Variants in JARID2 observed in about 807,000 individuals in gnomAD.
JARID2 encodes the protein protein Jumonji.
A neutral mutation model predicts 125.6 loss-of-function variants in JARID2; 21 were observed. That is an observed-to-expected ratio of 0.17 (90% confidence interval 0.12 to 0.24). The LOEUF (loss-of-function observed/expected upper bound fraction) is 0.24, where lower values mean the gene tolerates loss of function less well. Ranked by LOEUF, JARID2 falls within the 10% of genes least tolerant of loss-of-function variation. The pLI, the probability that JARID2 is intolerant of heterozygous loss-of-function variation, is 1.00. For synonymous variants in JARID2, 736 were observed against 661.6 expected (o/e 1.11, Z -1.73); for missense variants, 1,303 against 1,639.6 (o/e 0.79, Z 3.55).
At chr6:15,508,229 C>T in intron 11 of JARID2, 111 bp from the exon 12 acceptor site, 1 of 661,422 alleles carries the variant, frequency 1.5e-6, no homozygotes, top group Non-Finnish European at 2.8e-6. Context: ...GCTTTGAGTC[C>T]CATTTCTTTT....
intron 1 of JARID2, among the ~76,000 whole-genome samples, chr6:15,357,909 A>G (rs1197856279): frequency 6.6e-6 from 1 of 152,158 alleles, no homozygotes; most frequent in Non-Finnish European, 1.5e-5. Context: ...CTGACAAGCA[A>G]TTCCACCGTC....
chr6:15,269,844 A>G (rs1371843489), intron 1 of JARID2, among the ~76,000 whole-genome samples: 3 of 152,208 alleles, frequency 2.0e-5, no homozygotes. Flanking sequence ...CAGGAAGGAT[A>G]CTTAGAATTT....
chr6:15,264,591 T>G (rs1208735716), intron 1 of JARID2, among the ~76,000 whole-genome samples: 1 of 150,338 alleles, frequency 6.7e-6, no homozygotes, highest in African/African-American at 2.5e-5. Flanking sequence ...GACACCCACC[T>G]CAGTTTAGAA....
chr6:15,419,830 G>A (rs1032924838), intron 3 of JARID2, among the ~76,000 whole-genome samples: 1 of 152,160 alleles, frequency 6.6e-6, no homozygotes, highest in Non-Finnish European at 1.5e-5. Context: ...AATTTGATAC[G>A]ATGTGCCTTG....
chr6:15,292,068 A>G (rs1300600701), intron 1 of JARID2, among the ~76,000 whole-genome samples: 1 of 152,004 alleles, frequency 6.6e-6, no homozygotes, highest in East Asian at 1.9e-4. Context: ...CCAAGCTGGA[A>G]TGCAGTGGCG....
chr6:15,276,421 A>G (rs1052333955), intron 1 of JARID2, among the ~76,000 whole-genome samples: 1 of 152,214 alleles, frequency 6.6e-6, no homozygotes, highest in African/African-American at 2.4e-5. Flanking sequence ...TACATATATA[A>G]CTGTCTCATA....
At chr6:15,410,159 CTG>C in intron 2 of JARID2, 63 bp from the exon 3 acceptor site, 3 of 1,461,528 alleles carry the variant, frequency 2.1e-6, no homozygotes, top group Non-Finnish European at 1.9e-6. Flanking sequence ...GTAGGGTTAA[CTG>C]TGGTAAAGTG....
chr6:15,425,286 T>C (rs1172925012), intron 3 of JARID2, among the ~76,000 whole-genome samples: 3 of 152,174 alleles, frequency 2.0e-5, no homozygotes, highest in African/African-American at 7.2e-5. Context: ...TATGCATAGG[T>C]GCTAATTTGT....
chr6:15,416,555 G>A (rs1033300948), intron 3 of JARID2, among the ~76,000 whole-genome samples: 23 of 152,160 alleles, frequency 1.5e-4, no homozygotes, highest in African/African-American at 5.6e-4. Context: ...AGGCGTGGTG[G>A]CGCGCGCCTG....
chr6:15,310,322 A>G (rs1761971793), intron 1 of JARID2, among the ~76,000 whole-genome samples: 2 of 152,238 alleles, frequency 1.3e-5, no homozygotes, highest in South Asian at 4.1e-4. Context: ...TGTGGAATGA[A>G]ATTAAGAAAA....
intron 7 of JARID2, among the ~76,000 whole-genome samples, chr6:15,500,271 G>A (rs528520419): frequency 3.3e-5 from 5 of 152,308 alleles, no homozygotes; most frequent in African/African-American, 1.2e-4. Context: ...GGCGAGGGAC[G>A]AGGCATAGAT....
chr6:15,482,050 G>A (rs566561761), intron 5 of JARID2, among the ~76,000 whole-genome samples: 15 of 152,234 alleles, frequency 9.9e-5, no homozygotes, highest in African/African-American at 3.6e-4. Context: ...TTTCAGGTAC[G>A]GATACTGCAA....
intron 1 of JARID2, among the ~76,000 whole-genome samples, chr6:15,255,035 A>C (rs80287727): frequency 9.9e-5 from 15 of 151,674 alleles, no homozygotes; most frequent in Non-Finnish European, 1.5e-4. Context: ...CAAAAAAAAA[A>C]CACCACAAAA....
intron 3 of JARID2, among the ~76,000 whole-genome samples, chr6:15,437,870 C>T (rs1195843617): frequency 1.3e-5 from 2 of 151,452 alleles, no homozygotes; most frequent in African/African-American, 4.9e-5. Context: ...TCTGGGAGGA[C>T]AAATAAATTC....
rs1771837493 is a variant in JARID2 at position 15,521,304 on chromosome 6, G to A, written c.*1053G>A. On this transcript the variant is annotated 3_prime_UTR_variant, in exon 18 of 18. Transcript: ENST00000341776. ...GTGAAAATGCATTTGCGTTCATCTT[G>A]TCTATTTTTTCTCTTCATGTTGTAA... The A allele has an allele frequency of 6.7e-6, 1 of 149,108 alleles. No homozygotes were observed. Among genetic ancestry groups the A allele is most frequent in the Non-Finnish European group, 1.5e-5 (1 of 67,718 alleles). 9.2% of individuals were successfully genotyped at this position (149,108 alleles called of 1,614,324 possible).
At chr6:15,464,731 A>G (rs1189176352) in intron 4 of JARID2, among the ~76,000 whole-genome samples, 2 of 152,114 alleles carry the variant, frequency 1.3e-5, no homozygotes, top group Admixed American at 1.3e-4. Context: ...CATTCAACAT[A>G]TTACCTCCTG....
At chr6:15,366,521 G>T in intron 1 of JARID2, among the ~76,000 whole-genome samples, 1 of 141,442 alleles carries the variant, frequency 7.1e-6, no homozygotes. Context: ...GGGGGGGCGG[G>T]GGGGGTGGGG....
At chr6:15,300,722 T>TGTGTGAGAGAGAGA (rs1246745065) in intron 1 of JARID2, among the ~76,000 whole-genome samples, 3 of 111,114 alleles carry the variant, frequency 2.7e-5, no homozygotes, top group Non-Finnish European at 5.5e-5. Flanking sequence ...TGTGTGTGTG[T>TGTGTGAGAGAGAGA]GAGAGAGAGA....
chr6:15,501,505 CTG>C, intron 8 of JARID2, 96 bp downstream of exon 8: 1 of 1,241,584 alleles, frequency 8.1e-7, no homozygotes, highest in Non-Finnish European at 1.1e-6. Flanking sequence ...GGTGTGTTCT[CTG>C]ATTCCCTGGG....
Sources: allele counts gnomAD v4.1 joint callset (sites outside exome capture counted in the v4.1 genomes callset), GRCh38; gene constraint gnomAD v4.1.1; transcripts MANE v1.5; gene names NCBI Gene and HGNC (gene_info 2026-07-23, HGNC 2026-07-21).